The following HPSE2 variants were observed in gnomAD, a reference collection of about 807,000 sequenced individuals.
HPSE2 encodes inactive heparanase-2.
In HPSE2, 38 loss-of-function variants were observed where a neutral mutation model predicts 60.5. The observed-to-expected ratio is 0.63, with a 90% CI of 0.48 to 0.82. The LOEUF (loss-of-function observed/expected upper bound fraction) is 0.82, where lower values mean the gene tolerates loss of function less well. Ranked by LOEUF, HPSE2 falls within the 40% of genes least tolerant of loss-of-function variation. The probability of loss-of-function intolerance (pLI) is 0.00; values close to 1 mark genes in which losing one functional copy is unlikely to be tolerated. For missense variants in HPSE2, 713 were observed against 740.4 expected (o/e 0.96, Z 0.43); for synonymous variants, 295 against 293.2 (o/e 1.01, Z -0.06).
At chr10:99,187,465 C>T (rs1848070237) in intron 2 of HPSE2, among the ~76,000 whole-genome samples, 2 of 151,976 alleles carry the variant, frequency 1.3e-5, no homozygotes, top group South Asian at 4.1e-4. Context: ...AAAAGGCAAA[C>T]CAGATACAAG....
At chr10:99,110,891 A>G (rs188615355) in intron 3 of HPSE2, among the ~76,000 whole-genome samples, 3 of 152,296 alleles carry the variant, frequency 2.0e-5, no homozygotes, top group Non-Finnish European at 4.4e-5. Context: ...TTTACAGTTT[A>G]TCATTTTACA....
At chr10:98,871,200 T>C (rs1952723069) in intron 3 of HPSE2, among the ~76,000 whole-genome samples, 1 of 152,158 alleles carries the variant, frequency 6.6e-6, no homozygotes, top group Admixed American at 6.6e-5. Context: ...CTAATATAGA[T>C]GCTCAATAAA....
the HPSE2 span, among the ~76,000 whole-genome samples, chr10:99,293,963 C>G: frequency 6.6e-6 from 1 of 152,056 alleles, no homozygotes; most frequent in Non-Finnish European, 1.5e-5. Flanking sequence ...TGTCCAGGTC[C>G]AGCACTGATG....
At chr10:98,585,777 C>A (rs1268120573) in intron 9 of HPSE2, among the ~76,000 whole-genome samples, 1 of 151,178 alleles carries the variant, frequency 6.6e-6, no homozygotes, top group Non-Finnish European at 1.5e-5. Flanking sequence ...CGTGGTGAAA[C>A]CCTGTCTCTA....
chr10:98,482,555 A>G (rs1416616394), intron 11 of HPSE2, 81 bp downstream of exon 11: 1 of 1,559,016 alleles, frequency 6.4e-7, no homozygotes, highest in East Asian at 2.2e-5. Flanking sequence ...GAGAATTAGC[A>G]GCAACCTTGG....
chr10:98,490,273 ACACACAC>A, intron 9 of HPSE2, 77 bp from the exon 10 acceptor site: 1 of 404,932 alleles, frequency 2.5e-6, no homozygotes, highest in Non-Finnish European at 3.2e-6. Flanking sequence ...ACACACACAC[ACACACAC>A]ACACACACAC....
intron 9 of HPSE2, among the ~76,000 whole-genome samples, chr10:98,549,152 A>C (rs1056935519): frequency 6.6e-6 from 1 of 152,184 alleles, no homozygotes; most frequent in African/African-American, 2.4e-5. Flanking sequence ...AATTACCTGG[A>C]ATTAAATTTT....
rs190655566 is a variant in HPSE2, at chr10:98,554,557, T to C, written c.1320+60347A>G. On this transcript the variant is annotated intron_variant, in intron 9 of 11. Coordinates refer to ENST00000370552, the MANE Select transcript of HPSE2 (RefSeq NM_021828.5). ...AGACTCCATCTTGTCTCAGTATTCC[T>C]TACATCAGCACCAAAATGCCTCATG... 7.9e-5 allele frequency among the ~76,000 whole-genome samples: 12 copies of C among 152,294 alleles called. No homozygotes were observed. In the East Asian group the frequency reaches 2.1e-3, roughly 27 times the overall value.
chr10:99,075,000 A>G (rs938181003), intron 3 of HPSE2, among the ~76,000 whole-genome samples: 10 of 152,004 alleles, frequency 6.6e-5, no homozygotes, highest in African/African-American at 2.4e-4. Flanking sequence ...AAACAAACCC[A>G]CTATTAGTTT....
rs11189772 is a variant in HPSE2, at chr10:98,721,548, T to C, written c.956+109A>G. ...ACTATGGAAAGAGTCCCTCCTTTTT[T>C]CTTAAGACCAAAATAAATAAATAAA... On this transcript the variant is annotated intron_variant, in intron 5 of 11. Transcript: ENST00000370552. The C allele has an allele frequency of 0.17, 191,599 of 1,147,046 alleles. 17,205 individuals carry two copies. Among genetic ancestry groups the C allele is most frequent in the Admixed American group, 0.26 (11,240 of 43,498 alleles). 71.1% of individuals were successfully genotyped at this position (1,147,046 alleles called of 1,614,324 possible).
intron 3 of HPSE2, among the ~76,000 whole-genome samples, chr10:99,108,129 G>T (rs1020724043): frequency 6.6e-6 from 1 of 152,108 alleles, no homozygotes; most frequent in Non-Finnish European, 1.5e-5. Flanking sequence ...AGTTCAGAGC[G>T]CCTGGAAAGC....
chr10:99,161,258 T>C (rs1846831780), intron 2 of HPSE2, among the ~76,000 whole-genome samples: 1 of 149,664 alleles, frequency 6.7e-6, no homozygotes, highest in African/African-American at 2.4e-5. Context: ...ATATTTATAG[T>C]AGCATTATGC....
At chr10:98,489,987 G>A (rs890988215) in intron 10 of HPSE2, 64 bp downstream of exon 10, 1 of 1,590,990 alleles carries the variant, frequency 6.3e-7, no homozygotes, top group Admixed American at 1.7e-5. Flanking sequence ...TCTTGAAGGG[G>A]TCCCAAATGG....
chr10:98,905,317 G>C (rs10883226), intron 3 of HPSE2, among the ~76,000 whole-genome samples: 117,467 of 135,524 alleles, frequency 0.87, 50,367 homozygotes, highest in African/African-American at 0.95. Context: ...CCCCTCCCCC[G>C]ACCCCACCAC....
intron 9 of HPSE2, among the ~76,000 whole-genome samples, chr10:98,580,546 G>A (rs1428967113): frequency 6.6e-6 from 1 of 151,644 alleles, no homozygotes; most frequent in Non-Finnish European, 1.5e-5. Flanking sequence ...TAATTTCCAA[G>A]AGGTCCTTAC....
At chr10:98,812,414 T>TA (rs1454612559) in intron 3 of HPSE2, among the ~76,000 whole-genome samples, 1 of 152,108 alleles carries the variant, frequency 6.6e-6, no homozygotes, top group Non-Finnish European at 1.5e-5. Flanking sequence ...GAACACCTAT[T>TA]AAAAATACAG....
At chr10:99,133,159 C>G (rs1382516950) in intron 3 of HPSE2, among the ~76,000 whole-genome samples, 27 of 152,220 alleles carry the variant, frequency 1.8e-4, no homozygotes, top group Admixed American at 1.8e-3. Context: ...CACTGCAGCT[C>G]AGCATGGTTG....
chr10:98,578,085 A>G (rs1244588905), intron 9 of HPSE2, among the ~76,000 whole-genome samples: 3 of 152,200 alleles, frequency 2.0e-5, no homozygotes, highest in Non-Finnish European at 4.4e-5. Flanking sequence ...AAAGACTCAG[A>G]GTCTGCTTCT....
intron 3 of HPSE2, among the ~76,000 whole-genome samples, chr10:98,794,124 C>A (rs530449999): frequency 6.6e-6 from 1 of 152,082 alleles, no homozygotes; most frequent in Non-Finnish European, 1.5e-5. Context: ...TTATTGAAAT[C>A]GGAAAATAAT....
Sources: gnomAD v4.1 joint callset for allele counts (sites outside exome capture counted in the v4.1 genomes callset) on GRCh38, gnomAD v4.1.1 for gene constraint, MANE v1.5 for transcripts, NCBI Gene and HGNC (gene_info 2026-07-23, HGNC 2026-07-21) for gene names.